SPATA31H1: variants seen among roughly 807,000 people sequenced by gnomAD.
The protein encoded by SPATA31H1 is SPATA31 subfamily H member 1.
chr2:27,571,365 C>A, the SPATA31H1 span: 7 of 398,324 alleles, frequency 1.8e-5, no homozygotes, highest in East Asian at 2.1e-4. Context: ...CTTCCCACAG[C>A]CGGAAGGTGG....
chr2:27,574,980 TTGAC>T, the SPATA31H1 span: 5 of 398,540 alleles, frequency 1.3e-5, no homozygotes, highest in East Asian at 1.8e-4. Context: ...ATCTTCTGAA[TTGAC>T]TGTAGGTACA....
chr2:27,570,389 A>C, the SPATA31H1 span: 6 of 398,812 alleles, frequency 1.5e-5, no homozygotes, highest in Non-Finnish European at 2.7e-5. Flanking sequence ...AAGATATCAA[A>C]TTTTCTGAAT....
the SPATA31H1 span, chr2:27,577,965 C>G: frequency 6.2e-7 from 1 of 1,614,030 alleles, no homozygotes; most frequent in Admixed American, 1.7e-5. This position sits in a 1 kb window ranked among gnomAD's most constrained non-coding sequence, Gnocchi z 4.5. Context: ...AGGGACAACC[C>G]CAGGACCACT....
the SPATA31H1 span, among the ~76,000 whole-genome samples, chr2:27,562,756 G>A: frequency 1.3e-5 from 2 of 151,336 alleles, no homozygotes; most frequent in South Asian, 2.1e-4. Context: ...GCCTGGTGGT[G>A]CGCACATGTA....
the SPATA31H1 span, among the ~76,000 whole-genome samples, chr2:27,540,615 GCTCCTCACTT>G: frequency 7.0e-6 from 1 of 142,948 alleles, no homozygotes; most frequent in African/African-American, 2.7e-5. Flanking sequence ...GGACGGAGGG[GCTCCTCACTT>G]CTCAGATGGG....
the SPATA31H1 span, among the ~76,000 whole-genome samples, chr2:27,556,023 T>A: frequency 6.6e-6 from 1 of 151,322 alleles, no homozygotes; most frequent in Non-Finnish European, 1.5e-5. Context: ...TCCTAGCTAC[T>A]TGGGAAGCTG....
chr2:27,564,754 G>A, the SPATA31H1 span, among the ~76,000 whole-genome samples: 1 of 151,808 alleles, frequency 6.6e-6, no homozygotes, highest in Non-Finnish European at 1.5e-5. Context: ...AGTGAGCCGA[G>A]ATGGCACCAC....
the SPATA31H1 span, among the ~76,000 whole-genome samples, chr2:27,547,182 T>G: frequency 6.6e-6 from 1 of 151,538 alleles, no homozygotes; most frequent in Non-Finnish European, 1.5e-5. Context: ...TTGATCTTTT[T>G]TTTTTTTTTT....
At chr2:27,545,900 G>A in the SPATA31H1 span, among the ~76,000 whole-genome samples, 1 of 151,846 alleles carries the variant, frequency 6.6e-6, no homozygotes, top group Non-Finnish European at 1.5e-5. Context: ...GAGTCTGTGT[G>A]GTATTGCATT....
chr2:27,576,511 G>A, the SPATA31H1 span: 2 of 1,300,250 alleles, frequency 1.5e-6, no homozygotes, highest in East Asian at 2.4e-5. Context: ...TCATGCTTTG[G>A]GTCACAATGC....
At chr2:27,567,531 A>G in the SPATA31H1 span, 5 of 404,320 alleles carry the variant, frequency 1.2e-5, no homozygotes, top group Non-Finnish European at 2.2e-5. Context: ...ATCAAATAGC[A>G]CAGAAACAAA....
chr2:27,546,633 A>G, the SPATA31H1 span, among the ~76,000 whole-genome samples: 1 of 152,002 alleles, frequency 6.6e-6, no homozygotes, highest in African/African-American at 2.4e-5. Flanking sequence ...CTTGGGCTCA[A>G]GTGATACTTC....
chr2:27,551,393 C>T, the SPATA31H1 span, among the ~76,000 whole-genome samples: 1,117 of 152,072 alleles, frequency 7.3e-3, 34 homozygotes, highest in African/African-American at 0.026. Context: ...ACCCCTAACA[C>T]AAAATTCTAA....
the SPATA31H1 span, among the ~76,000 whole-genome samples, chr2:27,562,886 CAAAAA>C: frequency 8.1e-6 from 1 of 123,930 alleles, no homozygotes; most frequent in Non-Finnish European, 1.7e-5. Flanking sequence ...GATTCTGTCT[CAAAAA>C]AAAAAAAAAA....
the SPATA31H1 span, chr2:27,568,707 G>A: frequency 2.5e-6 from 1 of 398,858 alleles, no homozygotes; most frequent in Non-Finnish European, 4.4e-6. Flanking sequence ...ATGGTTACAC[G>A]ATGTCAGATC....
At chr2:27,566,462 G>C in the SPATA31H1 span, 1 of 690,090 alleles carries the variant, frequency 1.4e-6, no homozygotes, top group Non-Finnish European at 2.7e-6. Context: ...AATGAAGGAG[G>C]GAGGGAGAGA....
At chr2:27,570,171 C>T in the SPATA31H1 span, 3 of 398,834 alleles carry the variant, frequency 7.5e-6, no homozygotes, top group East Asian at 1.1e-4. Context: ...GCAGTTGACA[C>T]CAGGAGCTCA....
the SPATA31H1 span, among the ~76,000 whole-genome samples, chr2:27,560,411 A>G: frequency 1.3e-5 from 2 of 152,000 alleles, no homozygotes; most frequent in South Asian, 2.1e-4. Context: ...ATAAAATACG[A>G]TATTTGTGAG....
the SPATA31H1 span, among the ~76,000 whole-genome samples, chr2:27,555,521 A>G: frequency 6.6e-6 from 1 of 151,836 alleles, no homozygotes; most frequent in Admixed American, 6.6e-5. Context: ...AAACCAAAAA[A>G]AAACTGGCTG....
Sources: gnomAD v4.1 joint callset for allele counts (sites outside exome capture counted in the v4.1 genomes callset) on GRCh38, gnomAD v4.1.1 for gene constraint, Gnocchi (gnomAD v3.1) non-coding constraint, MANE v1.5 for transcripts, NCBI Gene and HGNC (gene_info 2026-07-23, HGNC 2026-07-21) for gene names.